POTEC: variants seen among roughly 807,000 people sequenced by gnomAD.
POTEC encodes the protein POTE ankyrin domain family member C.
A neutral mutation model predicts 62.0 loss-of-function variants in POTEC; 35 were observed. The ratio of observed to expected loss-of-function variants is 0.56; its 90% CI spans 0.43 to 0.75. The LOEUF (loss-of-function observed/expected upper bound fraction) is 0.75. Among genes scored for constraint, POTEC ranks in the 30% least tolerant of loss-of-function variants. The pLI, the probability that POTEC is intolerant of heterozygous loss-of-function variation, is 0.00. For missense variants in POTEC, 472 were observed against 655.9 expected, an observed-to-expected ratio of 0.72 and a Z score of 3.06; for synonymous variants, 156 against 221.5, an observed-to-expected ratio of 0.70 and a Z score of 2.62.
In POTEC at chr18:14,511,847, T is replaced by C. The variant is rs1403054835; in HGVS notation, c.*51A>G. On this transcript the variant is annotated 3_prime_UTR_variant, in exon 11 of 11. Transcript: ENST00000358970. ...TCAGTCTTTTCTTTCACACTTTCAA[T>C]TTCCTCCAAAATTTTATTTTCCCTT... 26 of 1,531,462 alleles carry C rather than the reference T, an allele frequency of 1.7e-5. No individual in the cohort carries two copies. The highest frequency in any genetic ancestry group is 2.2e-5 in the Non-Finnish European group (24 of 1,106,532). 94.9% of individuals were successfully genotyped at this position (1,531,462 alleles called of 1,614,324 possible). A position where few individuals can be genotyped will look rare whatever the true frequency, so the allele number is the denominator to read the frequency against.
At position 14,530,490 on chromosome 18, in the gene POTEC, G is replaced by C. The variant is rs773813951; in HGVS notation, c.1119C>G (p.Ser373Arg). The change falls in exon 6 of 11, where the codon AGC becomes AGG. Residue 373 changes from serine to arginine, a missense_variant. Around this residue, in one of 5 missense-constraint regions of POTEC, gnomAD observed 83 missense variants for 254.3 expected, o/e 0.33. Transcript: ENST00000358970. Reference protein sequence around the residue: ...KQMLKISSENSNPEQDLKLTS... With the variant: ...KQMLKISSENRNPEQDLKLTS... ...CATTATCACAAGTCTTACCTGGATTGCTGTTTTCAGAAGAGATTTTTAGCA... is the reference window on the plus strand; with the variant it reads ...CATTATCACAAGTCTTACCTGGATTCCTGTTTTCAGAAGAGATTTTTAGCA... 173 of 1,596,740 alleles carry C rather than the reference G, an allele frequency of 1.1e-4. No homozygotes were observed. Among genetic ancestry groups the C allele is most frequent in the Admixed American group, 1.7e-4 (10 of 57,958 alleles).
Position 14,508,779 on chromosome 18 carries a change from C to T in POTEC, c.*3119G>A, listed in dbSNP as rs1909913460. ...ACACTTGCTGGAGAGTTGATGCAGT[C>T]ATTTGGAGAAAAGAAGGTATGCTGA... On this transcript the variant is annotated 3_prime_UTR_variant, in exon 11 of 11. Transcript: ENST00000358970. The T allele has an allele frequency of 6.6e-6, 1 of 152,598 alleles. No individual in the cohort carries two copies. Among genetic ancestry groups the T allele is most frequent in the African/African-American group, 2.4e-5 (1 of 41,412 alleles). The allele number at this position is 152,598 out of a possible 1,614,324, so 9.5% of individuals were successfully genotyped here.
intron 1 of POTEC, 109 bp downstream of exon 1, chr18:14,542,517 G>A (rs1905971491): frequency 1.3e-6 from 2 of 1,541,004 alleles, no homozygotes; most frequent in Admixed American, 3.6e-5. Context: ...CCAGGGTGGT[G>A]TGGGGCCTGC....
At position 14,543,176 on chromosome 18, in the gene POTEC, G is replaced by A; in HGVS notation, c.-30C>T. 2 of 1,613,566 alleles carry A rather than the reference G, an allele frequency of 1.2e-6. No homozygotes were observed. Among genetic ancestry groups the A allele is most frequent in the Non-Finnish European group, 1.7e-6 (2 of 1,179,702 alleles). On this transcript the variant is annotated 5_prime_UTR_variant, in exon 1 of 11. Coordinates refer to ENST00000358970, the MANE Select transcript of POTEC (RefSeq NM_001137671.2). ...TTTTAACAGCCCGGGGAGGCCGGTAGTAGCGAACAGATCGCGTCTACCAAC... is the reference window on the plus strand; with the variant it reads ...TTTTAACAGCCCGGGGAGGCCGGTAATAGCGAACAGATCGCGTCTACCAAC...
At chr18:14,533,311 T>C (rs1443065540) in intron 4 of POTEC, 113 bp from the exon 5 acceptor site, 5 of 1,536,092 alleles carry the variant, frequency 3.3e-6, no homozygotes, top group Non-Finnish European at 4.4e-6. Context: ...GAATCAAACA[T>C]TTACATGCAC....
intron 6 of POTEC, among the ~76,000 whole-genome samples, chr18:14,530,238 G>C (rs1905460272): frequency 6.6e-6 from 1 of 151,902 alleles, no homozygotes; most frequent in Admixed American, 6.6e-5. Flanking sequence ...CCATCTAGTT[G>C]CAGAAAAATA....
At chr18:14,539,311 C>T (rs1409984661) in intron 1 of POTEC, among the ~76,000 whole-genome samples, 1 of 151,860 alleles carries the variant, frequency 6.6e-6, no homozygotes, top group Non-Finnish European at 1.5e-5. Context: ...GCAGGATGTG[C>T]AGGTTGGTTA....
Position 14,522,615 on chromosome 18 carries a change from T to C in POTEC, c.1243-195A>G, listed in dbSNP as rs9951627. Among the ~76,000 whole-genome samples the C allele has an allele frequency of 5.3e-3, 807 of 152,310 alleles. 6 individuals carry two copies. The highest frequency in any genetic ancestry group is 0.018 in the African/African-American group (761 of 41,574). The stretch of plus-strand genomic sequence containing the variant: ...TAATTATCATGTCATTAGTATATCA[T>C]TGAAATTTTTGTAAAGTCTTCTTGA... On this transcript the variant is annotated intron_variant, in intron 8 of 10. Transcript: ENST00000358970.
chr18:14,542,698 C>A lies in POTEC; in HGVS notation c.449G>T (p.Gly150Val). The stretch of plus-strand genomic sequence containing the variant: ...GATGAGATCCTTTCTGGGGACCTTA[C>A]CCCACCAGGCAGCTCTGTGGAGCTT... ...LDKLHRAAWW[G>V]KVPRKDLIVM... Residue 150 changes from glycine (G) to valine (V), a missense_variant, in exon 1 of 11, where the codon GGT (glycine) becomes GTT (valine). Gly to Val is a moderately radical substitution (Grantham distance 109, BLOSUM62 -3). Transcript: ENST00000358970. 6.2e-7 allele frequency: 1 copy of A among 1,613,086 alleles called. No individual in the cohort carries two copies. Among genetic ancestry groups the A allele is most frequent in the Non-Finnish European group, 8.5e-7 (1 of 1,179,882 alleles).
chr18:14,539,550 T>TA (rs1263835760), intron 1 of POTEC, among the ~76,000 whole-genome samples: 1 of 149,684 alleles, frequency 6.7e-6, no homozygotes, highest in Non-Finnish European at 1.5e-5. Context: ...CTTCCTATGT[T>TA]AGTTTGCTAA....
chr18:14,537,210 CAAAAAA>C (rs869231004), intron 3 of POTEC, among the ~76,000 whole-genome samples: 11 of 65,516 alleles, frequency 1.7e-4, no homozygotes, highest in African/African-American at 3.6e-4. Context: ...CACACACACA[CAAAAAA>C]AAAAAAAAAC....
At chr18:14,519,077 A>G (rs1021692745) in intron 9 of POTEC, among the ~76,000 whole-genome samples, 2 of 152,180 alleles carry the variant, frequency 1.3e-5, no homozygotes, top group Admixed American at 1.3e-4. Context: ...TGTATGAGAT[A>G]TGACTGGCTT....
In POTEC at chr18:14,508,390, T is replaced by A. The variant is rs1370502604; in HGVS notation, c.*3508A>T. ...GGTCTTGCACATGAGATGGAGCTGG[T>A]CTGACCTCAGCCCTCCCTAGTCTGC... On this transcript the variant is annotated 3_prime_UTR_variant, in exon 11 of 11. Transcript: ENST00000358970. The A allele has an allele frequency of 6.6e-6, 1 of 152,616 alleles. No individual in the cohort carries two copies. The highest frequency in any genetic ancestry group is 2.4e-5 in the African/African-American group (1 of 41,444). 9.5% of individuals were successfully genotyped at this position (152,616 alleles called of 1,614,324 possible). A position where few individuals can be genotyped will look rare whatever the true frequency, so the allele number is the denominator to read the frequency against.
Position 14,507,894 on chromosome 18 carries a change from G to T in POTEC, c.*4004C>A, listed in dbSNP as rs1909888544. On this transcript the variant is annotated 3_prime_UTR_variant, in exon 11 of 11. Coordinates refer to ENST00000358970, the MANE Select transcript of POTEC (RefSeq NM_001137671.2). Reference sequence around the variant, plus strand: ...TGAAATTTCTTTTCTTTGAAATGTTGAATGTCTTTTCTGGCTTGTACAGTT... The same window carrying T: ...TGAAATTTCTTTTCTTTGAAATGTTTAATGTCTTTTCTGGCTTGTACAGTT... 1 of 152,154 alleles carries T rather than the reference G, an allele frequency of 6.6e-6. No homozygotes were observed. The highest frequency in any genetic ancestry group is 1.5e-5 in the Non-Finnish European group (1 of 68,034). 9.4% of individuals were successfully genotyped at this position (152,154 alleles called of 1,614,324 possible).
At chr18:14,525,074 T>C in intron 6 of POTEC, 91 bp from the exon 7 acceptor site, 1 of 1,533,898 alleles carries the variant, frequency 6.5e-7, no homozygotes. Flanking sequence ...AGACAGCATT[T>C]TATTTTATTT....
At chr18:14,540,094 T>G (rs1905881665) in intron 1 of POTEC, among the ~76,000 whole-genome samples, 1 of 79,796 alleles carries the variant, frequency 1.3e-5, no homozygotes, top group Non-Finnish European at 2.4e-5. Flanking sequence ...CTAAAATAAT[T>G]AATCCATACT....
At chr18:14,536,958 G>A (rs1905737956) in intron 3 of POTEC, among the ~76,000 whole-genome samples, 1 of 151,760 alleles carries the variant, frequency 6.6e-6, no homozygotes. Flanking sequence ...AGGATACTAA[G>A]TTGGTTAATT....
In POTEC at chr18:14,528,013, G is replaced by C. The variant is rs554652118; in HGVS notation, c.1126+2470C>G. 8.0e-4 allele frequency: 122 copies of C among 152,242 alleles called. 1 individual carries two copies. Among genetic ancestry groups the C allele is most frequent in the African/African-American group, 2.8e-3 (118 of 41,558 alleles). The allele number at this position is 152,242 out of a possible 1,614,324, so 9.4% of individuals were successfully genotyped here. A position where few individuals can be genotyped will look rare whatever the true frequency, so the allele number is the denominator to read the frequency against. On this transcript the variant is annotated intron_variant, in intron 6 of 10. Transcript: ENST00000358970. ...ACAGGCCAAATCCAGTCTGCCTTTT[G>C]GCTTTGTAAATAAAGTTTTATAGGA...
intron 5 of POTEC, among the ~76,000 whole-genome samples, chr18:14,531,363 G>A (rs1905507754): frequency 1.3e-5 from 2 of 151,602 alleles, no homozygotes; most frequent in South Asian, 2.1e-4. Context: ...GCCAGCAGAT[G>A]TTTGTTAGGA....
Sources: allele counts gnomAD v4.1 joint callset (sites outside exome capture counted in the v4.1 genomes callset), GRCh38; gene constraint gnomAD v4.1.1; regional missense constraint gnomAD v4.1.1; transcripts MANE v1.5; gene names NCBI Gene and HGNC (gene_info 2026-07-23, HGNC 2026-07-21).